The following SCAPER variants were observed in gnomAD, a reference collection of about 807,000 sequenced individuals.
The protein encoded by SCAPER is S-phase cyclin A associated protein in the ER.
SCAPER carries 98 observed loss-of-function variants against 182.2 expected under a neutral mutation model. The observed-to-expected ratio is 0.54, with a 90% CI of 0.46 to 0.64. The LOEUF (loss-of-function observed/expected upper bound fraction) is 0.64, where lower values mean the gene tolerates loss of function less well. Among genes scored for constraint, SCAPER ranks in the 30% least tolerant of loss-of-function variants. The pLI, the probability that SCAPER is intolerant of heterozygous loss-of-function variation, is 0.00. For missense variants in SCAPER, 1,432 were observed against 1,690.0 expected (o/e 0.85, Z 2.68); for synonymous variants, 605 against 564.6 (o/e 1.07, Z -1.01).
chr15:76,656,353 T>C (rs1337127150), intron 21 of SCAPER, among the ~76,000 whole-genome samples: 4 of 152,194 alleles, frequency 2.6e-5, no homozygotes, highest in Non-Finnish European at 5.9e-5. Context: ...GACCTAACTA[T>C]ACTAAACATG....
At chr15:76,884,882 A>G (rs2073759453) in intron 1 of SCAPER, among the ~76,000 whole-genome samples, 1 of 152,238 alleles carries the variant, frequency 6.6e-6, no homozygotes, top group African/African-American at 2.4e-5. Flanking sequence ...AATATGGATG[A>G]AATTTAAAAA....
chr15:76,895,408 G>A (rs1425955011), intron 1 of SCAPER, among the ~76,000 whole-genome samples: 1 of 151,332 alleles, frequency 6.6e-6, no homozygotes, highest in African/African-American at 2.4e-5. Context: ...CAAGCCCACA[G>A]CTAACATTAT....
At chr15:76,368,496 T>C (rs1432267547) in intron 29 of SCAPER, among the ~76,000 whole-genome samples, 1 of 152,254 alleles carries the variant, frequency 6.6e-6, no homozygotes, top group African/African-American at 2.4e-5. Flanking sequence ...GGAAAATGCA[T>C]GGCATGCAGC....
chr15:76,793,853 G>A (rs894544680), intron 8 of SCAPER, among the ~76,000 whole-genome samples: 2 of 152,224 alleles, frequency 1.3e-5, no homozygotes, highest in Admixed American at 6.5e-5. Flanking sequence ...GAAGTGGGAG[G>A]CAGTCTTGTG....
intron 2 of SCAPER, among the ~76,000 whole-genome samples, chr15:76,865,234 G>T (rs1408719270): frequency 1.3e-5 from 2 of 151,976 alleles, no homozygotes; most frequent in Admixed American, 6.6e-5. Flanking sequence ...GCATATCACA[G>T]AAAAACTGAT....
intron 4 of SCAPER, among the ~76,000 whole-genome samples, chr15:76,850,080 T>C (rs972185641): frequency 6.6e-6 from 1 of 152,172 alleles, no homozygotes; most frequent in Non-Finnish European, 1.5e-5. Flanking sequence ...GGGATTACAA[T>C]TCAAGGTGAG....
chr15:76,706,301 T>C lies in SCAPER; in HGVS notation c.2166-317A>G, dbSNP rs536713164. On this transcript the variant is annotated intron_variant, in intron 17 of 31. Coordinates refer to ENST00000563290, the MANE Select transcript of SCAPER (RefSeq NM_020843.4). ...CCTTCCAAAAACTCAATTAAACCATTAAAAGGAATAGAAAAGGCATAAACT... is the reference window on the plus strand; with the variant it reads ...CCTTCCAAAAACTCAATTAAACCATCAAAAGGAATAGAAAAGGCATAAACT... Among the ~76,000 whole-genome samples, 7 of 152,012 alleles carry C rather than the reference T, an allele frequency of 4.6e-5. No homozygotes were observed. The South Asian group carries it at 1.2e-3, about 27-fold the overall frequency.
At chr15:76,607,739 C>T (rs1361848735) in intron 22 of SCAPER, among the ~76,000 whole-genome samples, 1 of 149,628 alleles carries the variant, frequency 6.7e-6, no homozygotes, top group Admixed American at 6.7e-5. Flanking sequence ...TTTCTCTAAA[C>T]TTCCCTTCTC....
intron 21 of SCAPER, among the ~76,000 whole-genome samples, chr15:76,646,800 T>C (rs1036433400): frequency 6.6e-6 from 1 of 152,208 alleles, no homozygotes; most frequent in Non-Finnish European, 1.5e-5. Flanking sequence ...AGAACACATA[T>C]CCAGTTTAAA....
intron 23 of SCAPER, among the ~76,000 whole-genome samples, chr15:76,553,195 C>A (rs1407565842): frequency 6.6e-6 from 1 of 152,224 alleles, no homozygotes; most frequent in Non-Finnish European, 1.5e-5. Flanking sequence ...TCCAACCCAG[C>A]TGAGGCACAG....
intron 17 of SCAPER, among the ~76,000 whole-genome samples, chr15:76,722,805 G>A (rs1334718258): frequency 6.6e-6 from 1 of 151,976 alleles, no homozygotes; most frequent in African/African-American, 2.4e-5. Flanking sequence ...ATGCCTATTT[G>A]ATTCTTCTCT....
chr15:76,733,034 G>A (rs1157586972), intron 16 of SCAPER, among the ~76,000 whole-genome samples, 195 bp downstream of exon 16: 2 of 152,062 alleles, frequency 1.3e-5, no homozygotes, highest in Non-Finnish European at 2.9e-5. Flanking sequence ...GGCATTCAGG[G>A]CCACTACCGG....
chr15:76,460,101 T>G (rs981089957), intron 25 of SCAPER, among the ~76,000 whole-genome samples: 1 of 152,134 alleles, frequency 6.6e-6, no homozygotes. Flanking sequence ...TTTTTCTGTT[T>G]CTATGAAAAA....
intron 22 of SCAPER, among the ~76,000 whole-genome samples, chr15:76,607,422 T>G (rs903624004): frequency 6.6e-6 from 1 of 152,214 alleles, no homozygotes; most frequent in South Asian, 2.1e-4. Flanking sequence ...GTGGGTAACC[T>G]GACCTTTGTC....
intron 21 of SCAPER, among the ~76,000 whole-genome samples, chr15:76,661,627 T>C (rs774741762): frequency 1.3e-4 from 20 of 152,072 alleles, no homozygotes; most frequent in African/African-American, 4.8e-4. Context: ...AAAACCACAA[T>C]GAGATACCAT....
At chr15:76,382,360 TC>T (rs1405303922) in intron 27 of SCAPER, among the ~76,000 whole-genome samples, 4 of 131,714 alleles carry the variant, frequency 3.0e-5, no homozygotes, top group African/African-American at 1.2e-4. Flanking sequence ...TTTATTTTTT[TC>T]TTTTATTTTT....
chr15:76,897,331 A>T (rs567285762), intron 1 of SCAPER, among the ~76,000 whole-genome samples: 1 of 152,200 alleles, frequency 6.6e-6, no homozygotes, highest in Admixed American at 6.5e-5. Flanking sequence ...CTAGGCTCTG[A>T]CTTAAAATTT....
intron 21 of SCAPER, among the ~76,000 whole-genome samples, chr15:76,628,352 C>T (rs544762466): frequency 3.3e-5 from 5 of 152,222 alleles, no homozygotes; most frequent in South Asian, 2.1e-4. Context: ...AATCTTTGCC[C>T]GTGCCTATGT....
chr15:76,602,741 T>A (rs1204222743), intron 22 of SCAPER, among the ~76,000 whole-genome samples: 2 of 119,962 alleles, frequency 1.7e-5, no homozygotes, highest in African/African-American at 5.1e-5. Context: ...TCCCACAGTT[T>A]CAGATATTCT....
Sources: gnomAD v4.1 joint callset for allele counts (sites outside exome capture counted in the v4.1 genomes callset) on GRCh38, gnomAD v4.1.1 for gene constraint, MANE v1.5 for transcripts, NCBI Gene and HGNC (gene_info 2026-07-23, HGNC 2026-07-21) for gene names.